Variants in LDLRAD4 observed in about 807,000 individuals in gnomAD.
LDLRAD4 encodes the protein low-density lipoprotein receptor class A domain-containing protein 4.
LDLRAD4 carries 5 observed loss-of-function variants against 17.0 expected under a neutral mutation model. The ratio of observed to expected loss-of-function variants is 0.29; its 90% CI spans 0.15 to 0.62. The LOEUF (loss-of-function observed/expected upper bound fraction) is 0.62. Among genes scored for constraint, LDLRAD4 ranks in the 20% least tolerant of loss-of-function variants. The pLI, the probability that LDLRAD4 is intolerant of heterozygous loss-of-function variation, is 0.84. For synonymous variants in LDLRAD4, 168 were observed against 171.8 expected (o/e 0.98, Z 0.17); for missense variants, 340 against 424.7 (o/e 0.80, Z 1.75).
chr18:13,218,889 ACTT>A (rs2041287992), exon 1 of LDLRAD4: 1 of 152,360 alleles, frequency 6.6e-6, no homozygotes, highest in Admixed American at 6.5e-5. Context: ...CCGGCCCGGC[ACTT>A]GCCTTTGTGA....
At chr18:13,418,420 G>T (rs9955711) in intron 2 of LDLRAD4, among the ~76,000 whole-genome samples, 1 of 152,174 alleles carries the variant, frequency 6.6e-6, no homozygotes, top group African/African-American at 2.4e-5. Flanking sequence ...AGCCTCTTCC[G>T]GGTCGTTCTT....
At chr18:13,544,451 AACAAAGATGGGT>A (rs2094330614) in intron 3 of LDLRAD4, among the ~76,000 whole-genome samples, 1 of 152,244 alleles carries the variant, frequency 6.6e-6, no homozygotes, top group Non-Finnish European at 1.5e-5. Flanking sequence ...CCAGAAAGAA[AACAAAGATGGGT>A]ACAAAGATGT....
intron 3 of LDLRAD4, among the ~76,000 whole-genome samples, chr18:13,588,935 T>A (rs2094971751): frequency 9.3e-6 from 1 of 107,762 alleles, no homozygotes; most frequent in East Asian, 2.3e-4. Flanking sequence ...CTTTTTTTCT[T>A]TTTTTTTTTT....
At chr18:13,571,717 A>G (rs1395784884) in intron 3 of LDLRAD4, among the ~76,000 whole-genome samples, 1 of 152,074 alleles carries the variant, frequency 6.6e-6, no homozygotes, top group Non-Finnish European at 1.5e-5. Flanking sequence ...GCTCACTGCA[A>G]GCTCCGCCTC....
chr18:13,562,603 C>G (rs1041554034), intron 3 of LDLRAD4, among the ~76,000 whole-genome samples: 1 of 152,204 alleles, frequency 6.6e-6, no homozygotes, highest in Non-Finnish European at 1.5e-5. Flanking sequence ...CATCTTATAA[C>G]TGAAAGTTCG....
At chr18:13,246,081 CA>C in intron 1 of LDLRAD4, among the ~76,000 whole-genome samples, 1 of 152,356 alleles carries the variant, frequency 6.6e-6, no homozygotes, top group South Asian at 2.1e-4. Context: ...AATGTGTGAA[CA>C]AAGATTGGCA....
chr18:13,641,784 T>A, intron 4 of LDLRAD4: 1 of 985,692 alleles, frequency 1.0e-6, no homozygotes, highest in Non-Finnish European at 1.2e-6. Flanking sequence ...GCAGCCGGAC[T>A]GGACGGCGGC....
intron 3 of LDLRAD4, among the ~76,000 whole-genome samples, chr18:13,606,899 A>G (rs1422865090): frequency 6.6e-6 from 1 of 152,248 alleles, no homozygotes; most frequent in African/African-American, 2.4e-5. Context: ...TAACAGGCAG[A>G]CGAGACACAT....
At chr18:13,283,958 A>G (rs1243915452) in intron 1 of LDLRAD4, among the ~76,000 whole-genome samples, 2 of 152,174 alleles carry the variant, frequency 1.3e-5, no homozygotes, top group Non-Finnish European at 2.9e-5. Flanking sequence ...AAACAAACCT[A>G]TCAGATCTCG....
chr18:13,290,885 AC>A (rs2045926268), intron 1 of LDLRAD4, among the ~76,000 whole-genome samples: 1 of 152,150 alleles, frequency 6.6e-6, no homozygotes, highest in African/African-American at 2.4e-5. Flanking sequence ...CACACTTTCA[AC>A]CCCAGTGAAC....
intron 1 of LDLRAD4, among the ~76,000 whole-genome samples, chr18:13,374,162 A>G (rs906861219): frequency 2.6e-5 from 4 of 152,216 alleles, no homozygotes; most frequent in African/African-American, 9.6e-5. Flanking sequence ...TCTGACCCAC[A>G]TAGGTCGTCT....
chr18:13,617,149 G>C (rs1208404083), intron 3 of LDLRAD4, among the ~76,000 whole-genome samples: 1 of 151,756 alleles, frequency 6.6e-6, no homozygotes, highest in African/African-American at 2.4e-5. Flanking sequence ...TATTGCCCAG[G>C]CTGATCTTGA....
chr18:13,625,764 C>CCACCCTCCTCCCCCCGCCAG, intron 4 of LDLRAD4, among the ~76,000 whole-genome samples: 1 of 84,586 alleles, frequency 1.2e-5, no homozygotes. Context: ...CCCCCTGCCA[C>CCACCCTCCTCCCCCCGCCAG]CACCCTCCTC....
intron 3 of LDLRAD4, among the ~76,000 whole-genome samples, chr18:13,568,446 A>G (rs1356916245): frequency 2.6e-5 from 4 of 152,120 alleles, no homozygotes; most frequent in Non-Finnish European, 5.9e-5. Context: ...ATGGTCTAGA[A>G]TGGCTGCTGG....
chr18:13,577,539 GA>G (rs2094792724), intron 3 of LDLRAD4, among the ~76,000 whole-genome samples: 1 of 152,102 alleles, frequency 6.6e-6, no homozygotes, highest in Non-Finnish European at 1.5e-5. Context: ...AGTCCTCAGA[GA>G]AAACTTAAGA....
Position 13,467,312 on chromosome 18 carries a change from C to G in LDLRAD4, c.181+28928C>G, listed in dbSNP as rs540352454. On this transcript the variant is annotated intron_variant, in intron 3 of 5. Transcript: ENST00000359446. ...AATTCAGCAGAATTGCTGGGAACAA[C>G]ATCAACATGCAAAAATCAAGTGTGT... Among the ~76,000 whole-genome samples, 11 of 152,250 alleles carry G rather than the reference C, an allele frequency of 7.2e-5. No homozygotes were observed. The South Asian group carries it at 2.3e-3, about 32-fold the overall frequency.
intron 3 of LDLRAD4, among the ~76,000 whole-genome samples, chr18:13,468,883 G>T (rs913332560): frequency 6.6e-6 from 1 of 151,212 alleles, no homozygotes; most frequent in Admixed American, 6.6e-5. Flanking sequence ...ATAGCATTAG[G>T]AGATATACCT....
At chr18:13,314,240 T>C (rs1264561009) in intron 1 of LDLRAD4, among the ~76,000 whole-genome samples, 1 of 152,096 alleles carries the variant, frequency 6.6e-6, no homozygotes, top group Non-Finnish European at 1.5e-5. Flanking sequence ...AAGTGGTAAA[T>C]CAGAAAGGAG....
Position 13,517,223 on chromosome 18 carries a change from G to GT in LDLRAD4, c.181+78840dup, listed in dbSNP as rs537832009. 2.6e-5 allele frequency among the ~76,000 whole-genome samples: 4 copies of GT among 152,332 alleles called. No individual in the cohort carries two copies. In the South Asian group the frequency reaches 8.3e-4, roughly 32 times the overall value. On this transcript the variant is annotated intron_variant, in intron 3 of 5. Coordinates refer to ENST00000359446, the Ensembl canonical transcript of LDLRAD4. ...CAAATATGTATAACCTATGTGTGAG[G>GT]TATTAAGAATCATCAATTCCAGTGG...
Sources: allele counts gnomAD v4.1 joint callset (sites outside exome capture counted in the v4.1 genomes callset), GRCh38; gene constraint gnomAD v4.1.1; transcripts MANE v1.5; gene names NCBI Gene and HGNC (gene_info 2026-07-23, HGNC 2026-07-21).